The following USP7 variants were observed in gnomAD, a reference collection of about 807,000 sequenced individuals.
USP7 encodes the protein ubiquitin specific peptidase 7.
USP7 carries 9 observed loss-of-function variants against 162.9 expected under a neutral mutation model. The observed-to-expected ratio is 0.06, with a 90% CI of 0.03 to 0.10. The LOEUF is 0.10. USP7 is among the 10% of genes least tolerant of loss of function. The pLI is 1.00. For synonymous variants in USP7, 562 were observed against 475.9 expected (o/e 1.18, Z -2.35); for missense variants, 715 against 1,373.7 (o/e 0.52, Z 7.58).
intron 1 of USP7, among the ~76,000 whole-genome samples, chr16:8,945,281 G>A (rs1236510149): frequency 6.6e-6 from 1 of 152,052 alleles, no homozygotes; most frequent in Non-Finnish European, 1.5e-5. Context: ...CTACTCGGGA[G>A]GCTGAGGCAC....
chr16:8,905,172 G>A lies in USP7; in HGVS notation c.1573+15C>T, dbSNP rs758748076. On this transcript the variant is annotated intron_variant, in intron 14 of 30. Transcript: ENST00000344836. The stretch of plus-strand genomic sequence containing the variant: ...CACCACAGTAAAGAACAGAACAAAA[G>A]TGAACACTACTCACTCAGTTTTGAT... 1 of 1,612,368 alleles carries A rather than the reference G, an allele frequency of 6.2e-7. No individual in the cohort carries two copies. Among genetic ancestry groups the A allele is most frequent in the Non-Finnish European group, 8.5e-7 (1 of 1,178,444 alleles).
At chr16:8,937,560 T>C (rs2141244531) in intron 1 of USP7, among the ~76,000 whole-genome samples, 2 of 151,642 alleles carry the variant, frequency 1.3e-5, no homozygotes, top group East Asian at 2.0e-4. Flanking sequence ...ATAAGTTGGG[T>C]GTGGTGGTGC....
intron 1 of USP7, 91 bp from the exon 2 acceptor site, chr16:8,930,488 A>G (rs1898256936): frequency 1.2e-6 from 1 of 821,848 alleles, no homozygotes; most frequent in African/African-American, 1.7e-5. Flanking sequence ...GATGTTGCCT[A>G]ATCATTAATA....
intron 20 of USP7, 21 bp from the exon 21 acceptor site, chr16:8,900,651 T>A: frequency 6.4e-7 from 1 of 1,560,942 alleles, no homozygotes; most frequent in Non-Finnish European, 8.8e-7. Context: ...AGATATAAAA[T>A]TGTTACACTG....
At chr16:8,952,095 A>G (rs868481143) in intron 1 of USP7, among the ~76,000 whole-genome samples, 1 of 152,076 alleles carries the variant, frequency 6.6e-6, no homozygotes, top group African/African-American at 2.4e-5. Context: ...TCTATACAAA[A>G]AAGAAAAAAA....
At chr16:8,918,461 T>G (rs778380029) in intron 6 of USP7, among the ~76,000 whole-genome samples, 2 of 152,258 alleles carry the variant, frequency 1.3e-5, no homozygotes, top group Non-Finnish European at 1.5e-5. Context: ...TAATGGATTA[T>G]ATGTTTTTCT....
intron 1 of USP7, among the ~76,000 whole-genome samples, chr16:8,956,771 A>AC (rs1454352458): frequency 3.0e-5 from 4 of 132,094 alleles, no homozygotes; most frequent in African/African-American, 1.0e-4. Flanking sequence ...TTAAAAAAAC[A>AC]AAAACAAAAA....
chr16:8,905,154 G>A (rs202185441), intron 14 of USP7, 33 bp downstream of exon 14: 1 of 1,605,804 alleles, frequency 6.2e-7, no homozygotes, highest in Non-Finnish European at 8.5e-7. Context: ...GTCCACCACA[G>A]TAAAGAACAG....
intron 2 of USP7, among the ~76,000 whole-genome samples, chr16:8,925,027 T>C (rs1298448681): frequency 6.6e-6 from 1 of 152,148 alleles, no homozygotes; most frequent in African/African-American, 2.4e-5. Context: ...GATAATAACG[T>C]CTAGAATGGC....
chr16:8,900,342 G>C (rs2061755125), intron 21 of USP7, among the ~76,000 whole-genome samples, 188 bp downstream of exon 21: 1 of 152,100 alleles, frequency 6.6e-6, no homozygotes, highest in Non-Finnish European at 1.5e-5. Context: ...ATTGAGAAGA[G>C]CTTTATGAGA....
chr16:8,929,514 A>T (rs1898197157), intron 2 of USP7: 1 of 455,958 alleles, frequency 2.2e-6, no homozygotes, highest in Non-Finnish European at 4.4e-6. Flanking sequence ...CCCGTGACTG[A>T]TGGTTTCTTT....
In USP7 at chr16:8,904,463, T is replaced by A; in HGVS notation, c.1676A>T (p.Gln559Leu). The A allele has an allele frequency of 1.2e-6, 2 of 1,614,130 alleles. No homozygotes were observed. The highest frequency in any genetic ancestry group is 1.7e-6 in the Non-Finnish European group (2 of 1,180,040). Reference sequence around the variant, plus strand: ...CACTTGCATATAGAGATGGGCTTCCTGCCGCTCCTTCCGCTTCTGAGCCTC... The same window carrying A: ...CACTTGCATATAGAGATGGGCTTCCAGCCGCTCCTTCCGCTTCTGAGCCTC... The part of the protein sequence containing the change: ...RIEAQKRKER[Q>L]EAHLYMQVQI... Residue 559 changes from glutamine to leucine, a missense_variant, in exon 15 of 31, where the codon CAG becomes CTG. Physicochemically the swap from Gln to Leu is moderately radical, Grantham distance 113. This residue lies in a region of USP7 where 197 missense variants were observed against 306.5 expected (regional missense o/e 0.64). Coordinates refer to ENST00000344836, the MANE Select transcript of USP7 (RefSeq NM_003470.3).
At chr16:8,899,314 C>T (rs1359236530) in intron 22 of USP7, 126 bp from the exon 23 acceptor site, 3 of 905,288 alleles carry the variant, frequency 3.3e-6, no homozygotes, top group South Asian at 3.2e-5. Context: ...ATTTATTAAA[C>T]AGGAATAAAC....
intron 1 of USP7, among the ~76,000 whole-genome samples, chr16:8,958,643 G>C (rs1483713632): frequency 6.6e-6 from 1 of 152,126 alleles, no homozygotes; most frequent in Admixed American, 6.5e-5. Context: ...GACTCCCAAC[G>C]TCTGGACACT....
intron 10 of USP7, among the ~76,000 whole-genome samples, chr16:8,914,058 T>G (rs2061992473): frequency 6.6e-6 from 1 of 152,016 alleles, no homozygotes; most frequent in Admixed American, 6.5e-5. Context: ...TTTAAATATT[T>G]CTTTAAAGGA....
rs781494085 is a variant in USP7 at position 8,921,232 on chromosome 16, C to A, written c.447G>T (p.Ser149=). The change falls in exon 4 of 31, where the codon TCG becomes TCT. Residue 149 remains serine, a synonymous_variant. Transcript: ENST00000344836. ...KIINYRDDEK[S]FSRRISHLFF... is the part of the protein sequence containing the mutation. The stretch of plus-strand genomic sequence containing the variant: ...ACAAATGACTAATACGACGACTGAA[C>A]GACTTTTCATCATCTCTGTAATTTA... 1.2e-6 allele frequency: 2 copies of A among 1,614,058 alleles called. No homozygotes were observed. The highest frequency in any genetic ancestry group is 1.7e-6 in the Non-Finnish European group (2 of 1,179,996).
chr16:8,903,485 C>A (rs944293331), intron 15 of USP7, 83 bp from the exon 16 acceptor site: 1 of 1,429,056 alleles, frequency 7.0e-7, no homozygotes, highest in African/African-American at 1.4e-5. Context: ...AACACTAAAA[C>A]GCTGAAAACT....
intron 6 of USP7, among the ~76,000 whole-genome samples, chr16:8,918,310 A>T (rs964547138): frequency 2.6e-5 from 4 of 152,164 alleles, no homozygotes; most frequent in Non-Finnish European, 5.9e-5. Context: ...CATAATAATC[A>T]CAAGTAATTC....
At chr16:8,928,143 T>C (rs1026211973) in intron 2 of USP7, among the ~76,000 whole-genome samples, 1 of 152,268 alleles carries the variant, frequency 6.6e-6, no homozygotes, top group African/African-American at 2.4e-5. Flanking sequence ...CCCTCAACTA[T>C]ACATGTCTCC....
Sources: allele counts gnomAD v4.1 joint callset (sites outside exome capture counted in the v4.1 genomes callset), GRCh38; gene constraint gnomAD v4.1.1; regional missense constraint gnomAD v4.1.1; transcripts MANE v1.5; gene names NCBI Gene and HGNC (gene_info 2026-07-23, HGNC 2026-07-21).